Variants in TRIP12 observed in about 807,000 individuals in gnomAD.
The protein encoded by TRIP12 is thyroid hormone receptor interactor 12, also known as E3 ubiquitin-protein ligase TRIP12.
A neutral mutation model predicts 244.2 loss-of-function variants in TRIP12; 25 were observed. The observed-to-expected ratio is 0.10, with a 90% CI of 0.07 to 0.14. The LOEUF (loss-of-function observed/expected upper bound fraction) is 0.14, where lower values mean the gene tolerates loss of function less well. Among genes scored for constraint, TRIP12 ranks in the 10% least tolerant of loss-of-function variants. TRIP12 has a pLI of 1.00. For missense variants in TRIP12, 1,677 were observed against 2,486.4 expected (o/e 0.67, Z 6.92); for synonymous variants, 905 against 873.1 (o/e 1.04, Z -0.64).
rs41265095 is a variant in TRIP12, at chr2:229,774,310, C to T, written c.5530-49G>A. ...AATGGTGTCAAGCAAAATTAACTTA[C>T]GGTTGTTTAAAAAAATAAAAGATAT... is the stretch of plus-strand genomic sequence containing the variant. On this transcript the variant is annotated intron_variant, in intron 37 of 41. Coordinates refer to ENST00000675903, the MANE Select transcript of TRIP12 (RefSeq NM_001348323.3). 921 of 1,540,162 alleles carry T rather than the reference C, an allele frequency of 6.0e-4. 4 individuals are homozygous for T. Among genetic ancestry groups the T allele is most frequent in the Admixed American group, 1.6e-3 (77 of 48,512 alleles).
At chr2:229,917,263 C>T (rs905714004) in intron 1 of TRIP12, among the ~76,000 whole-genome samples, 1 of 151,492 alleles carries the variant, frequency 6.6e-6, no homozygotes, top group Admixed American at 6.6e-5. Flanking sequence ...CACCTGTAGT[C>T]CCAGCTACTC....
chr2:229,810,769 A>G, intron 15 of TRIP12, 111 bp downstream of exon 15: 1 of 1,084,574 alleles, frequency 9.2e-7, no homozygotes, highest in Non-Finnish European at 1.3e-6. Flanking sequence ...TTTACTATCC[A>G]ATGCCTATAA....
At chr2:229,898,280 T>C (rs2069474486) in intron 1 of TRIP12, among the ~76,000 whole-genome samples, 1 of 152,200 alleles carries the variant, frequency 6.6e-6, no homozygotes, top group Non-Finnish European at 1.5e-5. Context: ...CACCTCCAAA[T>C]TGACATTAGT....
chr2:229,878,418 C>A (rs1364122089), intron 2 of TRIP12, among the ~76,000 whole-genome samples: 1 of 150,442 alleles, frequency 6.6e-6, no homozygotes, highest in Non-Finnish European at 1.5e-5. Flanking sequence ...CCGCTGCACT[C>A]CAGCCTGGGC....
intron 15 of TRIP12, among the ~76,000 whole-genome samples, chr2:229,808,778 G>A (rs961356053): frequency 6.6e-6 from 1 of 152,076 alleles, no homozygotes; most frequent in Non-Finnish European, 1.5e-5. Context: ...AGTATAAAAC[G>A]TTAACAATTA....
intron 1 of TRIP12, among the ~76,000 whole-genome samples, chr2:229,912,334 T>C (rs1249148829): frequency 6.6e-6 from 1 of 152,234 alleles, no homozygotes; most frequent in Non-Finnish European, 1.5e-5. Flanking sequence ...TTTCAGTTCA[T>C]TCATAAATAT....
intron 17 of TRIP12, chr2:229,807,230 A>G (rs1183846544): frequency 3.2e-5 from 5 of 156,976 alleles, no homozygotes; most frequent in African/African-American, 4.8e-5. Context: ...ATTTGTCCCA[A>G]TAATATCTGG....
chr2:229,835,466 T>C (rs2054563977), intron 6 of TRIP12, among the ~76,000 whole-genome samples: 1 of 152,202 alleles, frequency 6.6e-6, no homozygotes, highest in African/African-American at 2.4e-5. Flanking sequence ...GTAACTGCAT[T>C]AGACAACAAT....
rs115176925 is a variant in TRIP12 at position 229,793,628 on chromosome 2, G to A, written c.3969-483C>T. 6.2e-3 allele frequency among the ~76,000 whole-genome samples: 943 copies of A among 152,150 alleles called. 7 individuals are homozygous for A. The highest frequency in any genetic ancestry group is 0.044 in the Middle Eastern group (13 of 294). On this transcript the variant is annotated intron_variant, in intron 26 of 41. Transcript: ENST00000675903. Reference sequence around the variant, plus strand: ...TTACCTTGCTATAATAGTTTTGAACGAAGCGGTTTAATAGCTACTGCAGTT... The same window carrying A: ...TTACCTTGCTATAATAGTTTTGAACAAAGCGGTTTAATAGCTACTGCAGTT...
At position 229,859,189 on chromosome 2, in the gene TRIP12, C is replaced by T. The variant is rs763592227; in HGVS notation, c.610G>A (p.Gly204Arg). The change falls in exon 4 of 42, where the codon GGG becomes AGG. Residue 204 changes from glycine to arginine, a missense_variant. By Grantham distance (125) the Gly-to-Arg change is moderately radical. Around this residue, in one of 11 missense-constraint regions of TRIP12, gnomAD observed 387 missense variants for 392.6 expected, o/e 0.99. Transcript: ENST00000675903. ...TCTTCTGCACCAGTTGATTCAGACC[C>T]GGAGCCACTCTTTACACAAGAACTC... ...TESSCVKSGS[G>R]SESTGAEERS... 8.1e-6 allele frequency: 13 copies of T among 1,614,150 alleles called. No individual in the cohort carries two copies. The highest frequency in any genetic ancestry group is 2.2e-5 in the East Asian group (1 of 44,888).
At chr2:229,910,687 A>T (rs2074091341) in intron 1 of TRIP12, among the ~76,000 whole-genome samples, 1 of 152,132 alleles carries the variant, frequency 6.6e-6, no homozygotes, top group Non-Finnish European at 1.5e-5. Flanking sequence ...ATCTTACAGC[A>T]CCACACCAAA....
In TRIP12 at chr2:229,793,034, T is replaced by G; in HGVS notation, c.4080A>C (p.Gly1360=). ...AAGCCAGAGGGTCAATCTTGACAGGTCCACCCTTCCACTGCTTCACATTTG... is the reference window on the plus strand; with the variant it reads ...AAGCCAGAGGGTCAATCTTGACAGGGCCACCCTTCCACTGCTTCACATTTG... ...DCANVKQWKG[G]PVKIDPLALV... Residue 1360 remains glycine (G), a synonymous_variant, in exon 27 of 42, where the codon GGA becomes GGC. Coordinates refer to ENST00000675903, the MANE Select transcript of TRIP12 (RefSeq NM_001348323.3). The G allele has an allele frequency of 6.2e-7, 1 of 1,613,992 alleles. No homozygotes were observed. Among genetic ancestry groups the G allele is most frequent in the Non-Finnish European group, 8.5e-7 (1 of 1,179,916 alleles).
chr2:229,842,162 GA>G (rs2154312587), intron 4 of TRIP12, among the ~76,000 whole-genome samples: 1 of 152,310 alleles, frequency 6.6e-6, no homozygotes. Context: ...CTAAACAGGT[GA>G]AGCTGACATA....
chr2:229,908,427 C>T (rs962936060), intron 1 of TRIP12, among the ~76,000 whole-genome samples: 1 of 150,790 alleles, frequency 6.6e-6, no homozygotes, highest in African/African-American at 2.5e-5. Flanking sequence ...ATGAAGCATC[C>T]GCGTAACGTC....
chr2:229,865,353 A>C (rs1043604618), intron 2 of TRIP12, among the ~76,000 whole-genome samples: 35 of 137,792 alleles, frequency 2.5e-4, no homozygotes, highest in African/African-American at 8.6e-4. Context: ...AGAAAGAAAG[A>C]AAGCAAAATG....
intron 1 of TRIP12, among the ~76,000 whole-genome samples, chr2:229,902,031 G>A (rs2071048361): frequency 6.6e-6 from 1 of 152,132 alleles, no homozygotes. Flanking sequence ...AATCAATTTA[G>A]ACCACTGGTT....
chr2:229,839,784 G>C (rs1230346745), intron 5 of TRIP12, among the ~76,000 whole-genome samples: 1 of 152,104 alleles, frequency 6.6e-6, no homozygotes, highest in Non-Finnish European at 1.5e-5. Flanking sequence ...AACCGACCAA[G>C]CCTGAAAAGC....
At chr2:229,899,407 T>G (rs939761606) in intron 1 of TRIP12, among the ~76,000 whole-genome samples, 36 of 152,204 alleles carry the variant, frequency 2.4e-4, no homozygotes, top group Non-Finnish European at 4.0e-4. Flanking sequence ...TGAGCTAGAA[T>G]AAACTAGACC....
chr2:229,825,668 C>T (rs1435613428), intron 8 of TRIP12, among the ~76,000 whole-genome samples: 2 of 152,060 alleles, frequency 1.3e-5, no homozygotes, highest in Non-Finnish European at 2.9e-5. Context: ...GGGAAAACAC[C>T]CCCATGATTC....
Sources: gnomAD v4.1 joint callset for allele counts (sites outside exome capture counted in the v4.1 genomes callset) on GRCh38, gnomAD v4.1.1 for gene constraint, gnomAD v4.1.1 regional missense constraint, MANE v1.5 for transcripts, NCBI Gene and HGNC (gene_info 2026-07-23, HGNC 2026-07-21) for gene names.